The following CCDC73 variants were observed in gnomAD, a reference collection of about 807,000 sequenced individuals.
The protein encoded by CCDC73 is coiled-coil domain containing 73, also known as coiled-coil domain-containing protein 73.
In CCDC73, 95 loss-of-function variants were observed where a neutral mutation model predicts 116.5. The ratio of observed to expected loss-of-function variants is 0.82; its 90% CI spans 0.69 to 0.97. The LOEUF (loss-of-function observed/expected upper bound fraction) is 0.97. Among genes scored for constraint, CCDC73 ranks in the 50% least tolerant of loss-of-function variants. CCDC73 has a pLI of 0.00. For synonymous variants in CCDC73, 398 were observed against 401.3 expected, an observed-to-expected ratio of 0.99 and a Z score of 0.10; for missense variants, 1,066 against 1,206.8, an observed-to-expected ratio of 0.88 and a Z score of 1.73.
At chr11:32,790,802 A>C (rs1476392116) in intron 1 of CCDC73, among the ~76,000 whole-genome samples, 4 of 152,172 alleles carry the variant, frequency 2.6e-5, no homozygotes, top group Non-Finnish European at 4.4e-5. Context: ...ACTATAACAT[A>C]AAATAAGCTA....
chr11:32,759,880 C>T (rs951042667), intron 2 of CCDC73, among the ~76,000 whole-genome samples: 18 of 152,318 alleles, frequency 1.2e-4, no homozygotes, highest in Non-Finnish European at 2.9e-5. Flanking sequence ...TTATCAAGTA[C>T]TTAATCTGAA....
chr11:32,718,674 G>A (rs1037076803), intron 2 of CCDC73, among the ~76,000 whole-genome samples: 2 of 152,112 alleles, frequency 1.3e-5, no homozygotes, highest in African/African-American at 4.8e-5. Flanking sequence ...ATCTGCAGAG[G>A]GGAGGGCAAC....
chr11:32,728,088 C>A (rs994690935), intron 2 of CCDC73, among the ~76,000 whole-genome samples: 4 of 151,846 alleles, frequency 2.6e-5, no homozygotes, highest in Non-Finnish European at 4.4e-5. Flanking sequence ...CTCATCTATA[C>A]ATAAAATTTA....
chr11:32,794,872 G>GTT (rs35414867), upstream of CCDC73, among the ~76,000 whole-genome samples: 60 of 149,260 alleles, frequency 4.0e-4, no homozygotes, highest in East Asian at 7.8e-4. Flanking sequence ...TTTGTTTTTG[G>GTT]TTTTTTTTTT....
chr11:32,758,418 A>G, intron 2 of CCDC73: 1 of 492,112 alleles, frequency 2.0e-6, no homozygotes, highest in Non-Finnish European at 4.0e-6. Flanking sequence ...CATGCCTCCA[A>G]GTAGATTTCA....
At position 32,700,806 on chromosome 11, in the gene CCDC73, G is replaced by T; in HGVS notation, c.300C>A (p.Ala100=). Residue 100 remains alanine, a synonymous_variant, in exon 5 of 18, where the codon GCC becomes GCA. Transcript: ENST00000335185. ...TTATAAATACCTTTTCTTCTTCCAG[G>T]GCACACATCTTCATCTGCAACTGAT... is the stretch of plus-strand genomic sequence containing the variant. ...FKKQLQMKMC[A]LEEEKGKYQL... is the part of the protein sequence containing the mutation. The T allele has an allele frequency of 7.0e-7, 1 of 1,435,288 alleles. No individual in the cohort carries two copies. The highest frequency in any genetic ancestry group is 1.4e-5 in the South Asian group (1 of 73,386). 88.9% of individuals were successfully genotyped at this position (1,435,288 alleles called of 1,614,324 possible).
intron 9 of CCDC73, among the ~76,000 whole-genome samples, chr11:32,660,709 C>A (rs1855915527): frequency 6.6e-6 from 1 of 151,976 alleles, no homozygotes; most frequent in African/African-American, 2.4e-5. Context: ...CTGGTCACAG[C>A]TACTCAGGAG....
chr11:32,734,609 AG>A (rs1328349918), intron 2 of CCDC73, among the ~76,000 whole-genome samples: 1 of 152,018 alleles, frequency 6.6e-6, no homozygotes, highest in African/African-American at 2.4e-5. Context: ...ACTTGAGATT[AG>A]GGAGTGGTGA....
At chr11:32,764,737 T>A (rs1016532722) in intron 1 of CCDC73, among the ~76,000 whole-genome samples, 3 of 152,150 alleles carry the variant, frequency 2.0e-5, no homozygotes, top group African/African-American at 7.2e-5. Context: ...AACATCATAA[T>A]GACAGGATCA....
intron 17 of CCDC73, among the ~76,000 whole-genome samples, chr11:32,609,058 A>C (rs920654392): frequency 6.6e-6 from 1 of 152,048 alleles, no homozygotes; most frequent in Admixed American, 6.5e-5. Context: ...TGCCGTGAAG[A>C]CCTCTGACTT....
chr11:32,644,282 A>G (rs983177036), intron 12 of CCDC73, among the ~76,000 whole-genome samples: 14 of 152,150 alleles, frequency 9.2e-5, no homozygotes, highest in African/African-American at 3.4e-4. Context: ...GGAGCTAAAC[A>G]TTGAGCACAT....
At chr11:32,766,632 C>A (rs889318652) in intron 1 of CCDC73, among the ~76,000 whole-genome samples, 2 of 152,196 alleles carry the variant, frequency 1.3e-5, no homozygotes, top group African/African-American at 4.8e-5. Context: ...CTCAGGAATA[C>A]AAAATCAATG....
intron 9 of CCDC73, among the ~76,000 whole-genome samples, chr11:32,670,241 G>A (rs374392229): frequency 9.2e-5 from 14 of 152,250 alleles, no homozygotes; most frequent in African/African-American, 2.9e-4. Context: ...ATTGGATAGC[G>A]GCCAGGCACA....
intron 3 of CCDC73, among the ~76,000 whole-genome samples, chr11:32,707,146 C>T (rs551295301): frequency 1.1e-3 from 166 of 152,008 alleles, no homozygotes; most frequent in African/African-American, 3.8e-3. Context: ...AGCCAATAGT[C>T]CAAAGGCCTA....
rs552007629 is a variant in CCDC73 at position 32,613,323 on chromosome 11, G to T, written c.2896+99C>A. The T allele has an allele frequency of 7.9e-6, 8 of 1,015,162 alleles. No individual in the cohort carries two copies. In the Admixed American group the frequency reaches 1.1e-4, roughly 13 times the overall value. 62.9% of individuals were successfully genotyped at this position (1,015,162 alleles called of 1,614,324 possible). On this transcript the variant is annotated intron_variant, in intron 16 of 17. Transcript: ENST00000335185. Reference sequence around the variant, plus strand: ...AGTTGTTCCTAATTTAAAATAAGACGAACTTTTAAAACAAAATTTACAAAA... The same window carrying T: ...AGTTGTTCCTAATTTAAAATAAGACTAACTTTTAAAACAAAATTTACAAAA...
At chr11:32,680,885 T>A (rs577253914) in intron 7 of CCDC73, 1 of 152,034 alleles carries the variant, frequency 6.6e-6, no homozygotes. Context: ...TTCAAAAATC[T>A]ATGGCATCTT....
In CCDC73 at chr11:32,613,483, G is replaced by A. The variant is rs775007614; in HGVS notation, c.2835C>T (p.Ile945=). Residue 945 remains isoleucine, a synonymous_variant, in exon 16 of 18, where the codon ATC becomes ATT. Coordinates refer to ENST00000335185, the MANE Select transcript of CCDC73 (RefSeq NM_001008391.4). ...RPLDPSENKK[I]ISMALCKNIG... is the part of the protein sequence containing the mutation. Reference sequence around the variant, plus strand: ...TATTTTTACAAAGAGCCATTGAAATGATCTTTTTGTTTTCTGATGGATCTA... The same window carrying A: ...TATTTTTACAAAGAGCCATTGAAATAATCTTTTTGTTTTCTGATGGATCTA... 4.3e-6 allele frequency: 7 copies of A among 1,614,008 alleles called. No individual in the cohort carries two copies. In the South Asian group the frequency reaches 7.7e-5, roughly 18 times the overall value.
chr11:32,819,644 A>G, the CCDC73 span, among the ~76,000 whole-genome samples: 1 of 152,052 alleles, frequency 6.6e-6, no homozygotes, highest in Non-Finnish European at 1.5e-5. Flanking sequence ...TGTATTTTGT[A>G]GAGACAGAGT....
chr11:32,795,371 T>C (rs1389444051), upstream of CCDC73, among the ~76,000 whole-genome samples: 1 of 151,300 alleles, frequency 6.6e-6, no homozygotes, highest in African/African-American at 2.4e-5. Flanking sequence ...CTTGGGAGGC[T>C]GAGGCAAGAG....
Sources: gnomAD v4.1 joint callset for allele counts (sites outside exome capture counted in the v4.1 genomes callset) on GRCh38, gnomAD v4.1.1 for gene constraint, MANE v1.5 for transcripts, NCBI Gene and HGNC (gene_info 2026-07-23, HGNC 2026-07-21) for gene names.